The following ZBTB44 variants were observed in gnomAD, a reference collection of about 807,000 sequenced individuals.
ZBTB44 encodes zinc finger and BTB domain containing 44.
Under a neutral mutation model 54.0 loss-of-function variants are expected in ZBTB44, and 15 were observed. The observed-to-expected ratio is 0.28, with a 90% CI of 0.19 to 0.43. The LOEUF (loss-of-function observed/expected upper bound fraction) is 0.43, where lower values mean the gene tolerates loss of function less well. Among genes scored for constraint, ZBTB44 ranks in the 20% least tolerant of loss-of-function variants. The pLI, the probability that ZBTB44 is intolerant of heterozygous loss-of-function variation, is 1.00. For synonymous variants in ZBTB44, 230 were observed against 250.1 expected, an observed-to-expected ratio of 0.92 and a Z score of 0.76; for missense variants, 487 against 707.1, an observed-to-expected ratio of 0.69 and a Z score of 3.53.
intron 1 of ZBTB44, among the ~76,000 whole-genome samples, chr11:130,274,409 A>T (rs1721836546): frequency 6.6e-6 from 1 of 152,202 alleles, no homozygotes; most frequent in African/African-American, 2.4e-5. Flanking sequence ...AAACAGAAAT[A>T]GCAAGAGCAG....
Position 130,291,141 on chromosome 11 carries a change from T to G in ZBTB44, c.-57+23234A>C, listed in dbSNP as rs886555609. On this transcript the variant is annotated intron_variant, in intron 1 of 7. Transcript: ENST00000357899. ...AAATGTCAGGAAAGCCTTTGTTGTT[T>G]TTTTTTTTGAGACGGAGTCTCATTC... Among the ~76,000 whole-genome samples the G allele has an allele frequency of 2.6e-5, 4 of 152,246 alleles. No individual in the cohort carries two copies. In the South Asian group the frequency reaches 6.2e-4, roughly 24 times the overall value.
At chr11:130,294,339 G>A (rs1330000653) in intron 1 of ZBTB44, among the ~76,000 whole-genome samples, 2 of 151,728 alleles carry the variant, frequency 1.3e-5, no homozygotes, top group Non-Finnish European at 2.9e-5. Flanking sequence ...TTGAACCTGG[G>A]GGGCAGAAGT....
chr11:130,302,261 G>T (rs1211585594), intron 1 of ZBTB44, among the ~76,000 whole-genome samples: 1 of 152,034 alleles, frequency 6.6e-6, no homozygotes, highest in African/African-American at 2.4e-5. Flanking sequence ...CACACAACAG[G>T]TAACAGAGTC....
chr11:130,310,795 T>G (rs1437499408), intron 1 of ZBTB44, among the ~76,000 whole-genome samples: 1 of 152,188 alleles, frequency 6.6e-6, no homozygotes, highest in Non-Finnish European at 1.5e-5. Flanking sequence ...CAGGCTGCAG[T>G]GCAATGGCGC....
At chr11:130,253,835 G>T (rs1004027699) in intron 2 of ZBTB44, among the ~76,000 whole-genome samples, 1 of 152,198 alleles carries the variant, frequency 6.6e-6, no homozygotes, top group Non-Finnish European at 1.5e-5. Flanking sequence ...CAAGGCTACA[G>T]TAACCAAAAC....
rs1483434866 is a variant in ZBTB44 at position 130,314,782 on chromosome 11, AAGGGGAAGGGGACTG to A, written c.-479_-465del. On this transcript the variant is annotated 5_prime_UTR_variant, in exon 1 of 8. Coordinates refer to ENST00000357899, the MANE Select transcript of ZBTB44 (RefSeq NM_001301098.2). ...GTGTTCCCAGCGGGGCGGGGTGGGG[AAGGGGAAGGGGACTG>A]AGGGGAGGGGAGGGGGAGGTTGGGA... 1.2e-5 allele frequency: 1 copy of A among 81,760 alleles called. No individual in the cohort carries two copies. The highest frequency in any genetic ancestry group is 2.5e-5 in the Non-Finnish European group (1 of 40,412). 5.1% of individuals were successfully genotyped at this position (81,760 alleles called of 1,614,324 possible). A position where few individuals can be genotyped will look rare whatever the true frequency, so the allele number is the denominator to read the frequency against.
intron 2 of ZBTB44, among the ~76,000 whole-genome samples, chr11:130,258,317 C>A (rs1335064119): frequency 6.6e-6 from 1 of 152,164 alleles, no homozygotes; most frequent in Non-Finnish European, 1.5e-5. Context: ...TCATCAGGTA[C>A]TAAGTCTTTC....
At chr11:130,303,377 T>C (rs1012233331) in intron 1 of ZBTB44, among the ~76,000 whole-genome samples, 3 of 152,144 alleles carry the variant, frequency 2.0e-5, no homozygotes, top group Non-Finnish European at 4.4e-5. Context: ...GGCTCACACG[T>C]TTAATCCCGG....
intron 1 of ZBTB44, among the ~76,000 whole-genome samples, chr11:130,313,164 G>A (rs1254959464): frequency 2.0e-5 from 3 of 152,158 alleles, no homozygotes; most frequent in Non-Finnish European, 4.4e-5. Flanking sequence ...AATTATATTT[G>A]GGTTGAAATC....
At chr11:130,267,896 A>C (rs1275639906) in intron 1 of ZBTB44, among the ~76,000 whole-genome samples, 1 of 151,768 alleles carries the variant, frequency 6.6e-6, no homozygotes, top group African/African-American at 2.4e-5. Flanking sequence ...ACATGGTGAA[A>C]TCCTGTTTCT....
At chr11:130,293,306 T>TAAA (rs71061378) in intron 1 of ZBTB44, among the ~76,000 whole-genome samples, 5 of 134,730 alleles carry the variant, frequency 3.7e-5, no homozygotes, top group African/African-American at 1.1e-4. Context: ...TACTAAAAAT[T>TAAA]AAAAAAAAAA....
intron 2 of ZBTB44, among the ~76,000 whole-genome samples, chr11:130,244,930 C>CA (rs1448331973): frequency 3.9e-5 from 6 of 152,132 alleles, no homozygotes; most frequent in African/African-American, 1.4e-4. Context: ...TTTATTTAAT[C>CA]ACTTGTACTG....
intron 1 of ZBTB44, 30 bp downstream of exon 1, chr11:130,314,345 G>T: frequency 6.5e-6 from 1 of 152,808 alleles, no homozygotes; most frequent in South Asian, 1.9e-4. Context: ...TCCCCCGCGC[G>T]ACCGGAGCCC....
At chr11:130,248,356 T>C (rs1937705042) in intron 2 of ZBTB44, among the ~76,000 whole-genome samples, 2 of 152,296 alleles carry the variant, frequency 1.3e-5, no homozygotes, top group South Asian at 2.1e-4. Context: ...AAACATCATA[T>C]TGGAGTTGGG....
At position 130,231,266 on chromosome 11, in the gene ZBTB44, T is replaced by C. The variant is rs1305239372; in HGVS notation, c.*498A>G. On this transcript the variant is annotated 3_prime_UTR_variant, in exon 8 of 8. Coordinates refer to ENST00000357899, the MANE Select transcript of ZBTB44 (RefSeq NM_001301098.2). The stretch of plus-strand genomic sequence containing the variant: ...AACAGATCCATAAACAGATCCAATA[T>C]CCTTAAAGTACATATATATCAAGAA... The C allele has an allele frequency of 3.3e-5, 5 of 152,118 alleles. No individual in the cohort carries two copies. The East Asian group carries it at 7.7e-4, about 23-fold the overall frequency. The allele number at this position is 152,118 out of a possible 1,614,324, so 9.4% of individuals were successfully genotyped here. A position where few individuals can be genotyped will look rare whatever the true frequency, so the allele number is the denominator to read the frequency against.
At chr11:130,281,564 T>C (rs1334432473) in intron 1 of ZBTB44, among the ~76,000 whole-genome samples, 2 of 150,522 alleles carry the variant, frequency 1.3e-5, no homozygotes, top group Non-Finnish European at 3.0e-5. Context: ...AATAAATAAA[T>C]ATTTTAAAAA....
intron 4 of ZBTB44, 83 bp downstream of exon 4, chr11:130,238,361 C>T: frequency 7.2e-7 from 1 of 1,395,120 alleles, no homozygotes; most frequent in Non-Finnish European, 9.4e-7. Flanking sequence ...ACTCAGAAGC[C>T]CCTGTTTTCT....
intron 1 of ZBTB44, among the ~76,000 whole-genome samples, chr11:130,263,847 G>T (rs1939056732): frequency 6.6e-6 from 1 of 152,342 alleles, no homozygotes; most frequent in African/African-American, 2.4e-5. Flanking sequence ...CCCCTGCAGG[G>T]AAAGGGGCTT....
chr11:130,296,268 T>G, intron 1 of ZBTB44: 1 of 1,466,516 alleles, frequency 6.8e-7, no homozygotes, highest in South Asian at 1.3e-5. Flanking sequence ...ATATGTTGTT[T>G]GTCCTTCTGA....
Sources: gnomAD v4.1 joint callset for allele counts (sites outside exome capture counted in the v4.1 genomes callset) on GRCh38, gnomAD v4.1.1 for gene constraint, MANE v1.5 for transcripts, NCBI Gene and HGNC (gene_info 2026-07-23, HGNC 2026-07-21) for gene names.